The following CCSER1 variants were observed in gnomAD, a reference collection of about 807,000 sequenced individuals.
CCSER1 encodes coiled-coil serine rich protein 1.
Under a neutral mutation model 82.0 loss-of-function variants are expected in CCSER1, and 41 were observed. The ratio of observed to expected loss-of-function variants is 0.50; its 90% CI spans 0.39 to 0.65. The LOEUF (loss-of-function observed/expected upper bound fraction) is 0.65. Ranked by LOEUF, CCSER1 falls within the 30% of genes least tolerant of loss-of-function variation. CCSER1 has a pLI of 0.00. For missense variants in CCSER1, 1,119 were observed against 1,064.2 expected (o/e 1.05, Z -0.72); for synonymous variants, 414 against 383.9 (o/e 1.08, Z -0.92).
chr4:90,432,400 T>C (rs113113453), intron 4 of CCSER1, among the ~76,000 whole-genome samples: 4 of 152,296 alleles, frequency 2.6e-5, no homozygotes, highest in African/African-American at 9.6e-5. Flanking sequence ...ACTCCAGTTC[T>C]GACACTAACT....
At position 90,402,920 on chromosome 4, in the gene CCSER1, G is replaced by T. The variant is rs1046685116; in HGVS notation, c.1603+2791G>T. On this transcript the variant is annotated intron_variant, in intron 4 of 10. Coordinates refer to ENST00000509176, the MANE Select transcript of CCSER1 (RefSeq NM_001145065.2). ...TTGCTTAGTTAAAGCTCAAACCAGG[G>T]TACCTGATGAATCAACTGAGTCATA... Among the ~76,000 whole-genome samples, 3 of 152,188 alleles carry T rather than the reference G, an allele frequency of 2.0e-5. No individual in the cohort carries two copies. In the South Asian group the frequency reaches 6.2e-4, roughly 32 times the overall value.
intron 10 of CCSER1, among the ~76,000 whole-genome samples, chr4:91,371,813 G>A (rs1366318710): frequency 6.6e-6 from 1 of 150,822 alleles, no homozygotes; most frequent in Non-Finnish European, 1.5e-5. Flanking sequence ...TATTCTACCT[G>A]TGACCATCAC....
intron 1 of CCSER1, among the ~76,000 whole-genome samples, chr4:90,156,857 C>G (rs1304865808): frequency 6.6e-6 from 1 of 152,154 alleles, no homozygotes; most frequent in African/African-American, 2.4e-5. Context: ...TTAATTGGAA[C>G]ATTTAGTCCA....
At chr4:91,284,465 G>A (rs115981274) in intron 10 of CCSER1, among the ~76,000 whole-genome samples, 132 of 152,076 alleles carry the variant, frequency 8.7e-4, no homozygotes, top group African/African-American at 3.0e-3. Flanking sequence ...TATGCACCTC[G>A]GCAGAGTCAG....
At chr4:91,112,632 C>T (rs1726190253) in intron 10 of CCSER1, 1 of 151,920 alleles carries the variant, frequency 6.6e-6, no homozygotes, top group Non-Finnish European at 1.5e-5. Context: ...TTCTCAAGGT[C>T]ATTATGCAGT....
intron 2 of CCSER1, among the ~76,000 whole-genome samples, chr4:90,312,098 TGGTAAA>T (rs1735386045): frequency 6.6e-6 from 1 of 152,212 alleles, no homozygotes; most frequent in Non-Finnish European, 1.5e-5. Flanking sequence ...GGTAACATAT[TGGTAAA>T]GGTTTGAAGG....
chr4:91,510,655 G>C (rs1287777908), intron 10 of CCSER1, among the ~76,000 whole-genome samples: 2 of 152,194 alleles, frequency 1.3e-5, no homozygotes, highest in Non-Finnish European at 2.9e-5. Context: ...CATGTCATTT[G>C]TTCACTTTTT....
chr4:90,663,842 T>C lies in CCSER1; in HGVS notation c.1932+35610T>C, dbSNP rs1204228204. 3.7e-5 allele frequency: 13 copies of C among 349,746 alleles called. No individual in the cohort carries two copies. The East Asian group carries it at 5.1e-4, about 14-fold the overall frequency. The allele number at this position is 349,746 out of a possible 1,614,324, so 21.7% of individuals were successfully genotyped here. On this transcript the variant is annotated intron_variant, in intron 6 of 10. Coordinates refer to ENST00000509176, the MANE Select transcript of CCSER1 (RefSeq NM_001145065.2). ...AGTAATTGTGTGTTATTGTTACTTATAGGTTCACTTGTCAAGGATGAGTGT... is the reference window on the plus strand; with the variant it reads ...AGTAATTGTGTGTTATTGTTACTTACAGGTTCACTTGTCAAGGATGAGTGT...
chr4:90,187,876 A>T (rs1280719841), intron 1 of CCSER1, among the ~76,000 whole-genome samples: 4 of 151,852 alleles, frequency 2.6e-5, no homozygotes, highest in Admixed American at 2.0e-4. Context: ...TTCTTTTTGG[A>T]AGACATTAGA....
chr4:91,488,470 T>A (rs1185322922), intron 10 of CCSER1, among the ~76,000 whole-genome samples: 1 of 152,128 alleles, frequency 6.6e-6, no homozygotes, highest in Non-Finnish European at 1.5e-5. Flanking sequence ...CCCACCCAAA[T>A]CTCACATCGA....
At chr4:90,750,641 A>G (rs773750945) in intron 7 of CCSER1, among the ~76,000 whole-genome samples, 15 of 152,158 alleles carry the variant, frequency 9.9e-5, no homozygotes, top group Non-Finnish European at 1.8e-4. Flanking sequence ...TTCTGCCGAT[A>G]TAGAGATATT....
At chr4:91,092,236 G>A (rs1208297050) in intron 10 of CCSER1, among the ~76,000 whole-genome samples, 1 of 152,132 alleles carries the variant, frequency 6.6e-6, no homozygotes, top group African/African-American at 2.4e-5. Context: ...GCTGTCCTCT[G>A]TACTAAGTCA....
intron 10 of CCSER1, among the ~76,000 whole-genome samples, chr4:91,372,174 A>G (rs567622996): frequency 6.6e-6 from 1 of 152,284 alleles, no homozygotes; most frequent in East Asian, 1.9e-4. Context: ...ATATGCAAAG[A>G]CTTTGGTGTT....
intron 5 of CCSER1, among the ~76,000 whole-genome samples, chr4:90,501,223 T>A (rs1159390880): frequency 6.6e-6 from 1 of 152,210 alleles, no homozygotes; most frequent in Admixed American, 6.6e-5. Context: ...CACAGGAATT[T>A]CACTTGAAAA....
intron 10 of CCSER1, among the ~76,000 whole-genome samples, chr4:91,376,603 G>A (rs1189412415): frequency 6.6e-6 from 1 of 152,054 alleles, no homozygotes; most frequent in African/African-American, 2.4e-5. Flanking sequence ...TGCAAATTAA[G>A]CAACCAGAGT....
intron 10 of CCSER1, among the ~76,000 whole-genome samples, chr4:91,480,823 T>C (rs1362267333): frequency 1.3e-5 from 2 of 152,222 alleles, no homozygotes; most frequent in Non-Finnish European, 1.5e-5. Flanking sequence ...CTAAAGAAAC[T>C]GTTAATATGT....
intron 10 of CCSER1, among the ~76,000 whole-genome samples, chr4:91,397,304 G>A (rs1752049435): frequency 6.6e-6 from 1 of 151,940 alleles, no homozygotes; most frequent in South Asian, 2.1e-4. Context: ...ACAGATATAA[G>A]AAACAAACCA....
At chr4:91,458,491 A>T (rs902870192) in intron 10 of CCSER1, among the ~76,000 whole-genome samples, 4 of 152,000 alleles carry the variant, frequency 2.6e-5, no homozygotes, top group Non-Finnish European at 4.4e-5. Flanking sequence ...CTCAGGATTC[A>T]TTTGGCTATG....
chr4:91,437,832 C>T lies in CCSER1; in HGVS notation c.2218-160740C>T, dbSNP rs1035148429. On this transcript the variant is annotated intron_variant, in intron 10 of 10. Coordinates refer to ENST00000509176, the MANE Select transcript of CCSER1 (RefSeq NM_001145065.2). ...AATGGCACACCAGGAGATTATATCT[C>T]GCACCTGGTTTGGAGGGTCCTACGC... Among the ~76,000 whole-genome samples the T allele has an allele frequency of 4.6e-5, 7 of 152,230 alleles. 1 individual carries two copies. The highest frequency in any genetic ancestry group is 3.9e-4 in the Admixed American group (6 of 15,282).
Sources: gnomAD v4.1 joint callset for allele counts (sites outside exome capture counted in the v4.1 genomes callset) on GRCh38, gnomAD v4.1.1 for gene constraint, MANE v1.5 for transcripts, NCBI Gene and HGNC (gene_info 2026-07-23, HGNC 2026-07-21) for gene names.